Variants in PTGS1 observed in about 807,000 individuals in gnomAD.
PTGS1 encodes prostaglandin-endoperoxide synthase 1.
In PTGS1, 40 loss-of-function variants were observed where a neutral mutation model predicts 63.0. The observed-to-expected ratio is 0.63, with a 90% CI of 0.49 to 0.83. The LOEUF is 0.83. PTGS1 is among the 40% of genes least tolerant of loss of function. PTGS1 has a pLI of 0.00. For synonymous variants in PTGS1, 298 were observed against 301.9 expected (o/e 0.99, Z 0.13); for missense variants, 709 against 786.5 (o/e 0.90, Z 1.18).
In PTGS1 at chr9:122,381,622, C is replaced by A. The variant is rs765447722; in HGVS notation, c.679-42C>A. On this transcript the variant is annotated intron_variant, in intron 6 of 10. Coordinates refer to ENST00000362012, the MANE Select transcript of PTGS1 (RefSeq NM_000962.4). Reference sequence around the variant, plus strand: ...GCACGCGTATGTCATCGACAGTGGGCCGGCACCCTGGTGACCTGAGGGAAC... The same window carrying A: ...GCACGCGTATGTCATCGACAGTGGGACGGCACCCTGGTGACCTGAGGGAAC... 23 of 1,612,670 alleles carry A rather than the reference C, an allele frequency of 1.4e-5. No individual in the cohort carries two copies. In the East Asian group the frequency reaches 4.0e-4, roughly 28 times the overall value.
chr9:122,392,568 A>AG lies in PTGS1; in HGVS notation c.*28dup. 6.3e-7 allele frequency: 1 copy of AG among 1,594,630 alleles called. No homozygotes were observed. Among genetic ancestry groups the AG allele is most frequent in the Non-Finnish European group, 8.6e-7 (1 of 1,166,654 alleles). ...GAGGGGCAGGAAAGCAGCATTCTGG[A>AG]GGGGAGAGCTTTGTGCTTGTCATTC... On this transcript the variant is annotated 3_prime_UTR_variant, in exon 11 of 11. Coordinates refer to ENST00000362012, the MANE Select transcript of PTGS1 (RefSeq NM_000962.4).
intron 2 of PTGS1, chr9:122,371,710 T>A (rs950978755): frequency 1.3e-6 from 2 of 1,499,562 alleles, no homozygotes; most frequent in African/African-American, 2.8e-5. Context: ...CCATTGCCAG[T>A]GGAGAAGGTC....
chr9:122,390,371 T>G (rs1463591113), intron 10 of PTGS1, 26 bp downstream of exon 10: 1 of 1,611,252 alleles, frequency 6.2e-7, no homozygotes, highest in Non-Finnish European at 8.5e-7. Flanking sequence ...CTGGATGCAG[T>G]CCCTGCCCTT....
chr9:122,372,721 C>T (rs1836875251), intron 2 of PTGS1: 2 of 152,260 alleles, frequency 1.3e-5, no homozygotes, highest in Admixed American at 1.3e-4. Context: ...CGTCTGTATT[C>T]TTTTTTAGTC....
rs201366766 is a variant in PTGS1 at position 122,392,584 on chromosome 9, C to T, written c.*40C>T. On this transcript the variant is annotated 3_prime_UTR_variant, in exon 11 of 11. Transcript: ENST00000362012. ...GCATTCTGGAGGGGAGAGCTTTGTGCTTGTCATTCCAGAGTGCTGAGGCCA... is the reference window on the plus strand; with the variant it reads ...GCATTCTGGAGGGGAGAGCTTTGTGTTTGTCATTCCAGAGTGCTGAGGCCA... 14 of 1,566,006 alleles carry T rather than the reference C, an allele frequency of 8.9e-6. No homozygotes were observed. Among genetic ancestry groups the T allele is most frequent in the Non-Finnish European group, 1.2e-5 (14 of 1,147,402 alleles).
intron 7 of PTGS1, among the ~76,000 whole-genome samples, chr9:122,382,618 C>G (rs976755439): frequency 6.6e-6 from 1 of 152,156 alleles, no homozygotes; most frequent in African/African-American, 2.4e-5. Context: ...TCACACTAGC[C>G]AAATTTCTAG....
chr9:122,370,705 T>C (rs1165731034), upstream of PTGS1: 1 of 441,842 alleles, frequency 2.3e-6, no homozygotes, highest in African/African-American at 1.9e-5. Flanking sequence ...CTTTCTTCTC[T>C]GCGGGGCAGG....
At chr9:122,371,670 C>T (rs1836818413) in intron 2 of PTGS1, 2 of 1,456,996 alleles carry the variant, frequency 1.4e-6, no homozygotes, top group Non-Finnish European at 1.8e-6. Flanking sequence ...TTTCTCCAGC[C>T]TCTAACCGTC....
At chr9:122,373,114 C>T (rs1215436915) in intron 2 of PTGS1, among the ~76,000 whole-genome samples, 3 of 151,956 alleles carry the variant, frequency 2.0e-5, no homozygotes, top group Admixed American at 6.6e-5. Context: ...AAGGAGGTGG[C>T]GGGTGGGGGA....
At chr9:122,373,799 T>C (rs1213264) in intron 2 of PTGS1, among the ~76,000 whole-genome samples, 144,094 of 152,184 alleles carry the variant, frequency 0.95, 68,310 homozygotes, top group East Asian at 0.99. Context: ...GGATCTGGTG[T>C]GGTGGTGCTT....
At chr9:122,383,413 G>C (rs1224554484) in intron 7 of PTGS1, 96 bp from the exon 8 acceptor site, 2 of 1,498,596 alleles carry the variant, frequency 1.3e-6, no homozygotes, top group Non-Finnish European at 1.8e-6. Context: ...TTGGCTGAGG[G>C]GAACTGGCAG....
intron 2 of PTGS1, chr9:122,371,708 AG>A: frequency 6.7e-7 from 1 of 1,498,304 alleles, no homozygotes. Flanking sequence ...TCCCATTGCC[AG>A]TGGAGAAGGT....
chr9:122,392,368 G>C lies in PTGS1; in HGVS notation c.1624G>C (p.Glu542Gln). 1 of 1,614,170 alleles carries C rather than the reference G, an allele frequency of 6.2e-7. No homozygotes were observed. Among genetic ancestry groups the C allele is most frequent in the Non-Finnish European group, 8.5e-7 (1 of 1,180,030 alleles). The change falls in exon 11 of 11, where the codon GAG (glutamate) becomes CAG (glutamine). Residue 542 changes from glutamate (E) to glutamine (Q), a missense_variant. Transcript: ENST00000362012. ...GLLGNPICSP[E>Q]YWKPSTFGGE... ...CCTAGGGAATCCCATCTGTTCTCCGGAGTACTGGAAGCCGAGCACATTTGG... is the reference window on the plus strand; with the variant it reads ...CCTAGGGAATCCCATCTGTTCTCCGCAGTACTGGAAGCCGAGCACATTTGG...
chr9:122,380,489 A>G (rs1038627219), intron 5 of PTGS1, among the ~76,000 whole-genome samples: 6 of 151,660 alleles, frequency 4.0e-5, no homozygotes, highest in African/African-American at 1.5e-4. Flanking sequence ...AAATAAATAA[A>G]TAAATAAATA....
At position 122,395,416 on chromosome 9, in the gene PTGS1, T is replaced by C. The variant is rs1172837499; in HGVS notation, c.*2872T>C. 6.6e-6 allele frequency: 1 copy of C among 152,186 alleles called. No individual in the cohort carries two copies. Among genetic ancestry groups the C allele is most frequent in the African/African-American group, 2.4e-5 (1 of 41,440 alleles). 9.4% of individuals were successfully genotyped at this position (152,186 alleles called of 1,614,324 possible). On this transcript the variant is annotated 3_prime_UTR_variant, in exon 11 of 11. Transcript: ENST00000362012. ...ACACAGTTATTTAATCAAACAGTAA[T>C]CTAGGTGTGGCTGTGAAGGTATTTT... is the stretch of plus-strand genomic sequence containing the variant.
chr9:122,378,538 T>G lies in PTGS1; in HGVS notation c.317T>G (p.Phe106Cys). ...RWFWEFVNAT[F>C]IREMLMRLVL... ...TTCTGGGAGTTTGTCAATGCCACCTTCATCCGAGAGATGCTCATGCGCCTG... is the reference window on the plus strand; with the variant it reads ...TTCTGGGAGTTTGTCAATGCCACCTGCATCCGAGAGATGCTCATGCGCCTG... Residue 106 changes from phenylalanine (F) to cysteine (C), a missense_variant, in exon 4 of 11, where the codon TTC (phenylalanine) becomes TGC (cysteine). Phe to Cys is a radical substitution (Grantham distance 205). Transcript: ENST00000362012. 5.0e-6 allele frequency: 8 copies of G among 1,614,232 alleles called. No homozygotes were observed. Among genetic ancestry groups the G allele is most frequent in the Non-Finnish European group, 6.8e-6 (8 of 1,180,046 alleles).
intron 2 of PTGS1, among the ~76,000 whole-genome samples, chr9:122,374,191 T>C (rs1836975386): frequency 6.6e-6 from 1 of 152,106 alleles, no homozygotes; most frequent in African/African-American, 2.4e-5. Flanking sequence ...GTGCTGATCA[T>C]CTCTGCCTCC....
In PTGS1 at chr9:122,390,260, G is replaced by A. The variant is rs1838130227; in HGVS notation, c.1359G>A (p.Glu453=). 1.2e-6 allele frequency: 2 copies of A among 1,614,074 alleles called. No homozygotes were observed. The highest frequency in any genetic ancestry group is 1.7e-6 in the Non-Finnish European group (2 of 1,180,050). The change falls in exon 10 of 11, where the codon GAG becomes GAA. Residue 453 remains glutamate (E), a synonymous_variant. Transcript: ENST00000362012. ...ILHVAVDVIR[E]SREMRLQPFN... Reference sequence around the variant, plus strand: ...ATGTGGCTGTGGATGTCATCAGGGAGTCTCGGGAGATGCGGCTGCAGCCCT... The same window carrying A: ...ATGTGGCTGTGGATGTCATCAGGGAATCTCGGGAGATGCGGCTGCAGCCCT...
Position 122,371,088 on chromosome 9 carries a change from AG to A in PTGS1, c.5del (p.Ser2ThrfsTer31), listed in dbSNP as rs765563748. The A allele has an allele frequency of 1.2e-6, 2 of 1,600,862 alleles. No homozygotes were observed. The highest frequency in any genetic ancestry group is 1.7e-6 in the Non-Finnish European group (2 of 1,179,070). MSRSLLLWFLLF... is the reference protein window; with the variant it reads MXRSLLLWFLLF... ...CCCGCACCCCAGCAGCCGCGCCATG[AG>A]CCGTGAGTGCGACCCCGGTGCCCGG... On this transcript the variant is annotated frameshift_variant and splice_region_variant, in exon 1 of 11. Coordinates refer to ENST00000362012, the MANE Select transcript of PTGS1 (RefSeq NM_000962.4). LOFTEE classifies it high-confidence loss of function.
Sources: gnomAD v4.1 joint callset for allele counts (sites outside exome capture counted in the v4.1 genomes callset) on GRCh38, gnomAD v4.1.1 for gene constraint, MANE v1.5 for transcripts, NCBI Gene and HGNC (gene_info 2026-07-23, HGNC 2026-07-21) for gene names.